ETFBKMT: variants seen among roughly 807,000 people sequenced by gnomAD.
ETFBKMT encodes the protein electron transfer flavoprotein subunit beta lysine methyltransferase.
In ETFBKMT, 13 loss-of-function variants were observed where a neutral mutation model predicts 18.3. That is an observed-to-expected ratio of 0.71 (90% CI 0.46 to 1.13). The LOEUF is 1.13. ETFBKMT is among the 50% of genes most tolerant of loss of function. ETFBKMT has a pLI of 0.00. For synonymous variants in ETFBKMT, 84 were observed against 107.9 expected (o/e 0.78, Z 1.37); for missense variants, 293 against 306.2 (o/e 0.96, Z 0.32).
chr12:31,663,067 T>C (rs1951147060), intron 2 of ETFBKMT, among the ~76,000 whole-genome samples: 1 of 151,836 alleles, frequency 6.6e-6, no homozygotes, highest in Admixed American at 6.6e-5. Flanking sequence ...GTAGGCAACA[T>C]AGTGATACCC....
rs719692 is a variant in ETFBKMT at position 31,662,161 on chromosome 12, C to T, written c.208C>T (p.Arg70Trp). The T allele has an allele frequency of 6.9e-5, 111 of 1,614,220 alleles. No homozygotes were observed. The African/African-American group carries it at 1.2e-3, about 18-fold the overall frequency. ...SGSLTPEIQL[R>W]LLTPRCKFWW... is the part of the protein sequence containing the mutation. ...TAGCCTCACCCCTGAAATCCAGTTG[C>T]GGCTTTTGACCCCCAGATGCAAATT... The change falls in exon 2 of 4, where the codon CGG becomes TGG. Residue 70 changes from arginine (R) to tryptophan (W), a missense_variant. Arg to Trp is a moderately radical substitution (Grantham distance 101). Transcript: ENST00000357721.
At chr12:31,656,417 G>T (rs1285494079), upstream of ETFBKMT, among the ~76,000 whole-genome samples, 1 of 152,140 alleles carries the variant, frequency 6.6e-6, no homozygotes, top group Non-Finnish European at 1.5e-5. Context: ...TTGAAAAGAG[G>T]CAGGATAGGT....
In ETFBKMT at chr12:31,668,059, G is replaced by A; in HGVS notation, c.*69G>A. On this transcript the variant is annotated 3_prime_UTR_variant, in exon 4 of 4. Transcript: ENST00000357721. ...CTGACTCTAAAAGTTTTCTCTATAG[G>A]AGATACTCTCCAGTTTAATGAATGT... 1 of 1,205,646 alleles carries A rather than the reference G, an allele frequency of 8.3e-7. No individual in the cohort carries two copies. The highest frequency in any genetic ancestry group is 1.5e-5 in the South Asian group (1 of 67,626). The allele number at this position is 1,205,646 out of a possible 1,614,324, so 74.7% of individuals were successfully genotyped here.
chr12:31,650,866 G>C (rs1206972876), intron 1 of ETFBKMT, among the ~76,000 whole-genome samples: 2 of 152,020 alleles, frequency 1.3e-5, no homozygotes, highest in Non-Finnish European at 2.9e-5. Flanking sequence ...GCAAACCTGC[G>C]GCCAAGGAAG....
Position 31,667,782 on chromosome 12 carries a change from A to T in ETFBKMT, c.581A>T (p.Asp194Val), listed in dbSNP as rs191590289. The T allele has an allele frequency of 2.1e-4, 334 of 1,614,206 alleles. 3 individuals are homozygous for T. In the East Asian group the frequency reaches 7.0e-3, roughly 34 times the overall value. The change falls in exon 4 of 4, where the codon GAC becomes GTC. Residue 194 changes from aspartate to valine, a missense_variant. Coordinates refer to ENST00000357721, the MANE Select transcript of ETFBKMT (RefSeq NM_001135863.2). ...VVLGDMFYDE[D>V]LADSLHQWLK... Reference sequence around the variant, plus strand: ...CTTGGCGATATGTTTTATGATGAAGACCTTGCAGATAGTCTTCATCAGTGG... The same window carrying T: ...CTTGGCGATATGTTTTATGATGAAGTCCTTGCAGATAGTCTTCATCAGTGG...
upstream of ETFBKMT, chr12:31,659,470 T>C (rs1951092550): frequency 6.6e-6 from 1 of 152,306 alleles, no homozygotes; most frequent in Non-Finnish European, 1.5e-5. Context: ...ACTCTTTTCA[T>C]CCCATCAGCT....
chr12:31,652,770 A>G (rs2139610849), intron 1 of ETFBKMT, among the ~76,000 whole-genome samples: 1 of 152,300 alleles, frequency 6.6e-6, no homozygotes, highest in African/African-American at 2.4e-5. Context: ...TGGATTTGCT[A>G]GTGGGTTAGT....
At position 31,667,715 on chromosome 12, in the gene ETFBKMT, A is replaced by G. The variant is rs773750432; in HGVS notation, c.514A>G (p.Asn172Asp). The G allele has an allele frequency of 5.0e-6, 8 of 1,614,156 alleles. No homozygotes were observed. The East Asian group carries it at 1.8e-4, about 36-fold the overall frequency. ...GAATCCTTTTCCTATTTTAATCCAA[A>G]ACATTTTGAATTTGGAACAAGATAA... ...RLNPFPILIQNILNLEQDKWD... is the reference protein window; with the variant it reads ...RLNPFPILIQDILNLEQDKWD... Residue 172 changes from asparagine to aspartate, a missense_variant, in exon 4 of 4, where the codon AAC becomes GAC. Asn to Asp is a conservative substitution (Grantham distance 23). Transcript: ENST00000357721.
chr12:31,662,691 A>T (rs535395751), intron 2 of ETFBKMT, among the ~76,000 whole-genome samples: 1 of 151,954 alleles, frequency 6.6e-6, no homozygotes, highest in South Asian at 2.1e-4. Flanking sequence ...CAAGCTTATC[A>T]AGCTATTTTC....
chr12:31,659,483 CCTT>C (rs1312748191), upstream of ETFBKMT: 2 of 152,308 alleles, frequency 1.3e-5, no homozygotes, highest in African/African-American at 4.8e-5. Flanking sequence ...CATCAGCTCT[CCTT>C]CTCATTAAGA....
intron 1 of ETFBKMT, among the ~76,000 whole-genome samples, chr12:31,652,401 C>T (rs1738344170): frequency 6.6e-6 from 1 of 152,154 alleles, no homozygotes; most frequent in African/African-American, 2.4e-5. Context: ...AGTGATTCCC[C>T]CGCAATTTAC....
intron 1 of ETFBKMT, among the ~76,000 whole-genome samples, chr12:31,649,769 CT>C (rs61406039): frequency 0.12 from 17,427 of 142,626 alleles, 1,590 homozygotes; most frequent in African/African-American, 0.24. Flanking sequence ...TTTTCCTTTT[CT>C]TTTTTTTTTT....
chr12:31,672,281 C>G lies in ETFBKMT; in HGVS notation c.*4291C>G. The G allele has an allele frequency of 2.0e-6, 3 of 1,535,024 alleles. No homozygotes were observed. In the South Asian group the frequency reaches 3.6e-5, roughly 18 times the overall value. On this transcript the variant is annotated 3_prime_UTR_variant, in exon 4 of 4. Coordinates refer to ENST00000357721, the MANE Select transcript of ETFBKMT (RefSeq NM_001135863.2). ...AAGTAGTTTTGATAAGCTTTCCTAG[C>G]ATTGATCATCTTCAAAAAAGCATCA...
chr12:31,648,494 C>T (rs544335478), intron 1 of ETFBKMT, among the ~76,000 whole-genome samples: 7 of 147,080 alleles, frequency 4.8e-5, no homozygotes, highest in Admixed American at 1.4e-4. Flanking sequence ...CCTGAGTAGC[C>T]GGGATTATAG....
Position 31,662,082 on chromosome 12 carries a change from G to C in ETFBKMT, c.129G>C (p.Leu43Phe), listed in dbSNP as rs1489538209. ...QCPWRGAGSF[L>F]DPEIKAFLEE... ...CCTGGAGAGGAGCTGGAAGCTTTTT[G>C]GACCCTGAGATAAAGGCTTTCCTGG... is the stretch of plus-strand genomic sequence containing the variant. Residue 43 changes from leucine to phenylalanine, a missense_variant, in exon 2 of 4, where the codon TTG becomes TTC. Physicochemically the swap from Leu to Phe is conservative, Grantham distance 22. Transcript: ENST00000357721. 6.2e-7 allele frequency: 1 copy of C among 1,614,130 alleles called. No homozygotes were observed. The highest frequency in any genetic ancestry group is 1.3e-5 in the African/African-American group (1 of 75,032).
intron 2 of ETFBKMT, 74 bp downstream of exon 2, chr12:31,662,341 A>C: frequency 6.9e-7 from 1 of 1,440,882 alleles, no homozygotes; most frequent in Non-Finnish European, 9.5e-7. Flanking sequence ...TCTACAAAAA[A>C]CCAGAGCAAT....
chr12:31,663,330 A>T (rs1446848392), intron 2 of ETFBKMT, among the ~76,000 whole-genome samples: 3 of 151,710 alleles, frequency 2.0e-5, no homozygotes, highest in Admixed American at 6.6e-5. Flanking sequence ...TGACCTCGTG[A>T]TCCGCCCTCC....
At chr12:31,657,609 T>G (rs1396417125), upstream of ETFBKMT, among the ~76,000 whole-genome samples, 1 of 151,898 alleles carries the variant, frequency 6.6e-6, no homozygotes, top group Non-Finnish European at 1.5e-5. Context: ...CTGACCAACA[T>G]GGTGAAACCC....
chr12:31,659,375 G>A (rs1012121588), upstream of ETFBKMT: 7 of 152,262 alleles, frequency 4.6e-5, no homozygotes, highest in Admixed American at 6.5e-5. Context: ...AAGGAGACAG[G>A]GAGGACGGTG....
Sources: allele counts gnomAD v4.1 joint callset (sites outside exome capture counted in the v4.1 genomes callset), GRCh38; gene constraint gnomAD v4.1.1; transcripts MANE v1.5; gene names NCBI Gene and HGNC (gene_info 2026-07-23, HGNC 2026-07-21).